The following PRSS12 variants were observed in gnomAD, a reference collection of about 807,000 sequenced individuals.
PRSS12 encodes neurotrypsin.
Under a neutral mutation model 104.4 loss-of-function variants are expected in PRSS12, and 85 were observed. The observed-to-expected ratio is 0.81, with a 90% confidence interval of 0.68 to 0.98. The LOEUF is 0.98. Among genes scored for constraint, PRSS12 ranks in the 50% least tolerant of loss-of-function variants. The pLI is 0.00. For synonymous variants in PRSS12, 454 were observed against 425.2 expected (o/e 1.07, Z -0.83); for missense variants, 1,141 against 1,139.2 (o/e 1.00, Z -0.02).
chr4:118,352,892 C>T lies in PRSS12; in HGVS notation c.-172G>A. ...AACCTTGCCTCCCGCCGCTGGTGCC[C>T]TGCCGCGCCTCGGCTCCTGTCCCCT... On this transcript the variant is annotated 5_prime_UTR_variant, in exon 1 of 13. Coordinates refer to ENST00000296498, the MANE Select transcript of PRSS12 (RefSeq NM_003619.4). 1 of 1,407,616 alleles carries T rather than the reference C, an allele frequency of 7.1e-7. No homozygotes were observed. The allele number at this position is 1,407,616 out of a possible 1,614,324, so 87.2% of individuals were successfully genotyped here.
At chr4:118,340,696 T>C (rs1441048427) in intron 1 of PRSS12, among the ~76,000 whole-genome samples, 1 of 152,224 alleles carries the variant, frequency 6.6e-6, no homozygotes, top group Admixed American at 6.5e-5. Context: ...ACAAGAGGCA[T>C]ACTATTAGGA....
chr4:118,313,091 T>C (rs1439036444), intron 7 of PRSS12, 110 bp downstream of exon 7: 5 of 1,253,702 alleles, frequency 4.0e-6, no homozygotes, highest in Non-Finnish European at 5.6e-6. Context: ...TTATGGGAAA[T>C]AGACCCCAAA....
intron 1 of PRSS12, among the ~76,000 whole-genome samples, chr4:118,341,109 G>C (rs999513576): frequency 1.3e-5 from 2 of 152,182 alleles, no homozygotes; most frequent in South Asian, 4.1e-4. Context: ...TGGAAACAAG[G>C]GGTTCTGGTG....
At position 118,282,909 on chromosome 4, in the gene PRSS12, G is replaced by A. The variant is rs1295427144; in HGVS notation, c.2242C>T (p.Pro748Ser). 2 of 1,614,022 alleles carry A rather than the reference G, an allele frequency of 1.2e-6. No individual in the cohort carries two copies. The highest frequency in any genetic ancestry group is 1.7e-6 in the Non-Finnish European group (2 of 1,180,032). The change falls in exon 12 of 13, where the codon CCA becomes TCA. Residue 748 changes from proline (P) to serine (S), a missense_variant. Transcript: ENST00000296498. ...QCARFSSHVL[P>S]ACLPLWRERP... ...TCTCTCCAGAGTGGTAAACAGGCTGGCAAAACATGGCTGCTGAATCTGGCA... is the reference window on the plus strand; with the variant it reads ...TCTCTCCAGAGTGGTAAACAGGCTGACAAAACATGGCTGCTGAATCTGGCA...
At chr4:118,330,735 T>C (rs1723897114) in intron 4 of PRSS12, among the ~76,000 whole-genome samples, 1 of 152,242 alleles carries the variant, frequency 6.6e-6, no homozygotes, top group Non-Finnish European at 1.5e-5. Context: ...CATAGAACAA[T>C]GTTCTTATTT....
rs147157461 is a variant in PRSS12, at chr4:118,284,105, A to G, written c.2040-994T>C. Among the ~76,000 whole-genome samples the G allele has an allele frequency of 2.0e-4, 30 of 152,252 alleles. No homozygotes were observed. In the East Asian group the frequency reaches 5.2e-3, roughly 26 times the overall value. ...AACCCACCTAAAGCAGGGTTTCTCA[A>G]TCTCAGAACCTATTAACATTTTGGA... On this transcript the variant is annotated intron_variant, in intron 11 of 12. Transcript: ENST00000296498.
intron 8 of PRSS12, among the ~76,000 whole-genome samples, chr4:118,305,101 T>TTATA (rs35049135): frequency 3.7e-4 from 54 of 146,854 alleles, no homozygotes; most frequent in African/African-American, 1.3e-3. Context: ...TGTTTATAAT[T>TTATA]TATATATATA....
chr4:118,318,667 A>T, intron 4 of PRSS12, 111 bp from the exon 5 acceptor site: 1 of 1,051,752 alleles, frequency 9.5e-7, no homozygotes, highest in African/African-American at 1.6e-5. Context: ...TTATTAATTC[A>T]CTTCACAGGT....
intron 4 of PRSS12, among the ~76,000 whole-genome samples, chr4:118,329,748 A>C (rs2126039775): frequency 6.6e-6 from 1 of 152,274 alleles, no homozygotes; most frequent in South Asian, 2.1e-4. Context: ...TAGACACAAA[A>C]CCCTATAAAT....
intron 4 of PRSS12, among the ~76,000 whole-genome samples, chr4:118,330,895 G>T (rs989105888): frequency 2.6e-5 from 4 of 152,122 alleles, no homozygotes; most frequent in East Asian, 1.9e-4. Context: ...ATTGTTCAAG[G>T]TTCAACAATC....
chr4:118,308,377 C>T, intron 8 of PRSS12, 59 bp downstream of exon 8: 2 of 1,603,364 alleles, frequency 1.2e-6, no homozygotes, highest in Non-Finnish European at 1.7e-6. Flanking sequence ...TTAGATTAAG[C>T]ATTTAAAAAT....
In PRSS12 at chr4:118,331,751, G is replaced by A. The variant is rs12505679; in HGVS notation, c.936C>T (p.Ala312=). The A allele has an allele frequency of 6.3e-5, 102 of 1,614,074 alleles. No individual in the cohort carries two copies. The highest frequency in any genetic ancestry group is 2.0e-4 in the African/African-American group (15 of 75,020). ...GCTGCCTGCAGATCACTTCTGCATC[G>A]GCATCATCCCATTGGTCATCACAAA... ...GTVCDDQWDD[A]DAEVICRQLG... The change falls in exon 4 of 13, where the codon GCC becomes GCT. Residue 312 remains alanine (A), a synonymous_variant. Transcript: ENST00000296498.
chr4:118,311,865 A>G (rs1338742478), intron 7 of PRSS12, among the ~76,000 whole-genome samples: 1 of 152,138 alleles, frequency 6.6e-6, no homozygotes, highest in African/African-American at 2.4e-5. Context: ...GTATTTCATC[A>G]CTGGGAGCTC....
chr4:118,316,250 C>T lies in PRSS12; in HGVS notation c.1224G>A (p.Trp408Ter), dbSNP rs1743906084. Reference protein sequence around the residue: ...GRLEVYYRGQWGTVCDDGWTE... With the variant: ...GRLEVYYRGQ ...TCCAGCCATCATCACAGACAGTTCC[C>T]CACTGGCCTCTGTAATATACCTCCA... is the stretch of plus-strand genomic sequence containing the variant. The change falls in exon 6 of 13, where the codon TGG (tryptophan) becomes TGA (stop). Residue 408 changes from tryptophan (W) to a stop codon, truncating the protein, a stop_gained. Coordinates refer to ENST00000296498, the MANE Select transcript of PRSS12 (RefSeq NM_003619.4). LOFTEE classifies it high-confidence loss of function. 4 of 1,613,936 alleles carry T rather than the reference C, an allele frequency of 2.5e-6. No individual in the cohort carries two copies. The highest frequency in any genetic ancestry group is 3.4e-6 in the Non-Finnish European group (4 of 1,180,004).
intron 1 of PRSS12, 129 bp from the exon 2 acceptor site, chr4:118,338,443 A>C: frequency 8.5e-7 from 1 of 1,172,218 alleles, no homozygotes; most frequent in Admixed American, 2.0e-5. Context: ...TTTAGCCTCC[A>C]CTGTGTGTGG....
chr4:118,330,112 T>G (rs890438215), intron 4 of PRSS12, among the ~76,000 whole-genome samples: 4 of 152,200 alleles, frequency 2.6e-5, no homozygotes, highest in Non-Finnish European at 5.9e-5. Context: ...GCTGTGTTTG[T>G]TCTTGTCCCA....
intron 9 of PRSS12, among the ~76,000 whole-genome samples, chr4:118,298,068 G>A (rs907324109): frequency 1.3e-5 from 2 of 151,480 alleles, no homozygotes; most frequent in Non-Finnish European, 2.9e-5. Context: ...AACCCAGGAG[G>A]TGGAGGTTGC....
At chr4:118,325,460 C>T (rs1320896693) in intron 4 of PRSS12, among the ~76,000 whole-genome samples, 1 of 151,460 alleles carries the variant, frequency 6.6e-6, no homozygotes, top group East Asian at 1.9e-4. Context: ...AGAACAACAA[C>T]AAAAAACATT....
intron 8 of PRSS12, among the ~76,000 whole-genome samples, chr4:118,301,232 T>C (rs1743398965): frequency 6.6e-6 from 1 of 152,224 alleles, no homozygotes; most frequent in East Asian, 1.9e-4. Flanking sequence ...TATCATGCTA[T>C]ATGTGCACAA....
Sources: gnomAD v4.1 joint callset for allele counts (sites outside exome capture counted in the v4.1 genomes callset) on GRCh38, gnomAD v4.1.1 for gene constraint, MANE v1.5 for transcripts, NCBI Gene and HGNC (gene_info 2026-07-23, HGNC 2026-07-21) for gene names.